The following SART1 variants were observed in gnomAD, a reference collection of about 807,000 sequenced individuals.
SART1 encodes the protein spliceosome associated factor 1, recruiter of U4/U6.U5 tri-snRNP, also known as U4/U6.U5 tri-snRNP-associated protein 1.
Under a neutral mutation model 105.0 loss-of-function variants are expected in SART1, and 28 were observed. The ratio of observed to expected loss-of-function variants is 0.27; its 90% CI spans 0.20 to 0.37. The LOEUF is 0.37. Ranked by LOEUF, SART1 falls within the 10% of genes least tolerant of loss-of-function variation. The pLI is 1.00. For synonymous variants in SART1, 472 were observed against 462.9 expected (o/e 1.02, Z -0.25); for missense variants, 894 against 1,106.5 (o/e 0.81, Z 2.72).
rs1434597855 is a variant in SART1, at chr11:65,966,172, A to C, written c.935A>C (p.Asp312Ala). The change falls in exon 8 of 20, where the codon GAC becomes GCC. Residue 312 changes from aspartate to alanine, a missense_variant. By Grantham distance (126) the Asp-to-Ala change is moderately radical. Coordinates refer to ENST00000312397, the MANE Select transcript of SART1 (RefSeq NM_005146.5). ...KNVELRKKKP[D>A]YLPYAEDESV... ...GTGGAGCTGCGGAAGAAGAAGCCTG[A>C]CTACCTGCCCTATGCCGAGGACGAG... 2 of 1,613,904 alleles carry C rather than the reference A, an allele frequency of 1.2e-6. No individual in the cohort carries two copies. The highest frequency in any genetic ancestry group is 1.7e-6 in the Non-Finnish European group (2 of 1,180,024).
In SART1 at chr11:65,961,960, G is replaced by C. The variant is rs1855150959; in HGVS notation, c.180G>C (p.Gly60=). Residue 60 remains glycine (G), a synonymous_variant, in exon 1 of 20, where the codon GGG becomes GGC. Coordinates refer to ENST00000312397, the MANE Select transcript of SART1 (RefSeq NM_005146.5). ...GERRKRSRER[G]GERGSGRRGA... The stretch of plus-strand genomic sequence containing the variant: ...GACGGAAGCGGAGCCGGGAACGTGG[G>C]GGCGAGCGCGGGAGCGGGCGGCGCG... 6.6e-7 allele frequency: 1 copy of C among 1,524,504 alleles called. No individual in the cohort carries two copies. Among genetic ancestry groups the C allele is most frequent in the Admixed American group, 2.0e-5 (1 of 49,098 alleles). The allele number at this position is 1,524,504 out of a possible 1,614,324, so 94.4% of individuals were successfully genotyped here. A position where few individuals can be genotyped will look rare whatever the true frequency, so the allele number is the denominator to read the frequency against.
intron 12 of SART1, among the ~76,000 whole-genome samples, chr11:65,969,624 G>A (rs1302797415): frequency 1.3e-5 from 2 of 152,108 alleles, no homozygotes; most frequent in African/African-American, 2.4e-5. Flanking sequence ...TGTGTTGCCC[G>A]GGCTGGTCTC....
intron 11 of SART1, 32 bp from the exon 12 acceptor site, chr11:65,967,647 G>A: frequency 6.3e-7 from 1 of 1,590,716 alleles, no homozygotes; most frequent in Non-Finnish European, 8.6e-7. Context: ...GGAGGAGATG[G>A]TCTGAGCAGG....
In SART1 at chr11:65,966,005, C is replaced by T. The variant is rs1217561816; in HGVS notation, c.838+19C>T. Reference sequence around the variant, plus strand: ...GACAAAGGTAATGCGAGCTGGGTGCCCTGGGTGGGGGCACAGCCTCTGCTG... The same window carrying T: ...GACAAAGGTAATGCGAGCTGGGTGCTCTGGGTGGGGGCACAGCCTCTGCTG... On this transcript the variant is annotated intron_variant, in intron 7 of 19. Coordinates refer to ENST00000312397, the MANE Select transcript of SART1 (RefSeq NM_005146.5). 9 of 1,613,860 alleles carry T rather than the reference C, an allele frequency of 5.6e-6. No homozygotes were observed. The highest frequency in any genetic ancestry group is 3.3e-5 in the Admixed American group (2 of 60,000).
rs1245453900 is a variant in SART1 at position 65,964,544 on chromosome 11, C to A, written c.401C>A (p.Pro134His). Residue 134 changes from proline (P) to histidine (H), a missense_variant, in exon 3 of 20, where the codon CCC becomes CAC. This residue lies in a region of SART1 where 712 missense variants were observed against 778.2 expected (regional missense o/e 0.91). Coordinates refer to ENST00000312397, the MANE Select transcript of SART1 (RefSeq NM_005146.5). ...NKLRAKLGLK[P>H]LEVNAIKKEA... ...CTCCGGGCAAAGTTGGGGCTGAAAC[C>A]CTTGGAGGTTAATGCCATCAAGAAG... 6.2e-7 allele frequency: 1 copy of A among 1,612,342 alleles called. No individual in the cohort carries two copies. The highest frequency in any genetic ancestry group is 8.5e-7 in the Non-Finnish European group (1 of 1,179,582).
Position 65,978,521 on chromosome 11 carries a change from T to G in SART1, c.2173-79T>G. ...TTGGGGTCAATCAACACCCGCCCTG[T>G]TATTATACACCTTGTGGGCACAGGT... On this transcript the variant is annotated intron_variant, in intron 17 of 19. Coordinates refer to ENST00000312397, the MANE Select transcript of SART1 (RefSeq NM_005146.5). This position sits in a 1 kb window ranked among gnomAD's most constrained non-coding sequence, Gnocchi z 6.8. The G allele has an allele frequency of 7.2e-7, 1 of 1,387,588 alleles. No individual in the cohort carries two copies. The allele number at this position is 1,387,588 out of a possible 1,614,324, so 86.0% of individuals were successfully genotyped here. A position where few individuals can be genotyped will look rare whatever the true frequency, so the allele number is the denominator to read the frequency against.
chr11:65,968,044 G>T (rs928680896), intron 12 of SART1, among the ~76,000 whole-genome samples: 5 of 151,432 alleles, frequency 3.3e-5, no homozygotes, highest in Non-Finnish European at 5.9e-5. Flanking sequence ...CCGCCTCCCA[G>T]GCTCAAGTGA....
chr11:65,976,823 C>A lies in SART1; in HGVS notation c.1857+57C>A. On this transcript the variant is annotated intron_variant, in intron 14 of 19. Coordinates refer to ENST00000312397, the MANE Select transcript of SART1 (RefSeq NM_005146.5). This position sits in a 1 kb window ranked among gnomAD's most constrained non-coding sequence, Gnocchi z 5.1. The stretch of plus-strand genomic sequence containing the variant: ...TGGGGGTGCTCAAGCTGGAGATGAG[C>A]ACCGGGCTCGGTGTCCAGAGCCTCA... 2 of 1,432,016 alleles carry A rather than the reference C, an allele frequency of 1.4e-6. No homozygotes were observed. The highest frequency in any genetic ancestry group is 1.9e-6 in the Non-Finnish European group (2 of 1,041,674). 88.7% of individuals were successfully genotyped at this position (1,432,016 alleles called of 1,614,324 possible). A position where few individuals can be genotyped will look rare whatever the true frequency, so the allele number is the denominator to read the frequency against.
chr11:65,966,215 G>T lies in SART1; in HGVS notation c.978G>T (p.Ala326=). The T allele has an allele frequency of 1.9e-6, 3 of 1,613,996 alleles. No individual in the cohort carries two copies. Among genetic ancestry groups the T allele is most frequent in the Non-Finnish European group, 2.5e-6 (3 of 1,180,010 alleles). Residue 326 remains alanine, a synonymous_variant, in exon 8 of 20, where the codon GCG becomes GCT. Coordinates refer to ENST00000312397, the MANE Select transcript of SART1 (RefSeq NM_005146.5). ...AGGACGAGAGCGTGGACGACCTGGC[G>T]CAGGCACGGCCTGGGCAGGCTGGGT... ...YAEDESVDDL[A]QQKPRSILSK...
chr11:65,977,425 T>G, intron 15 of SART1, 138 bp from the exon 16 acceptor site: 1 of 713,354 alleles, frequency 1.4e-6, no homozygotes, highest in Non-Finnish European at 2.4e-6. Context: ...ATCTTTGCTT[T>G]GCCTGTAGAA....
chr11:65,961,958 G>T lies in SART1; in HGVS notation c.178G>T (p.Gly60Trp), dbSNP rs1296515349. 3.9e-6 allele frequency: 6 copies of T among 1,524,648 alleles called. No individual in the cohort carries two copies. Among genetic ancestry groups the T allele is most frequent in the Non-Finnish European group, 4.4e-6 (5 of 1,137,824 alleles). 94.4% of individuals were successfully genotyped at this position (1,524,648 alleles called of 1,614,324 possible). A position where few individuals can be genotyped will look rare whatever the true frequency, so the allele number is the denominator to read the frequency against. ...GERRKRSRER[G>W]GERGSGRRGA... ...ACGACGGAAGCGGAGCCGGGAACGTGGGGGCGAGCGCGGGAGCGGGCGGCG... is the reference window on the plus strand; with the variant it reads ...ACGACGGAAGCGGAGCCGGGAACGTTGGGGCGAGCGCGGGAGCGGGCGGCG... The change falls in exon 1 of 20, where the codon GGG becomes TGG. Residue 60 changes from glycine to tryptophan, a missense_variant. This residue lies in a region of SART1 where 712 missense variants were observed against 778.2 expected (regional missense o/e 0.91). Coordinates refer to ENST00000312397, the MANE Select transcript of SART1 (RefSeq NM_005146.5).
Position 65,966,370 on chromosome 11 carries a change from G to A in SART1, c.1002G>A (p.Leu334=). The A allele has an allele frequency of 6.2e-7, 1 of 1,613,994 alleles. No homozygotes were observed. The highest frequency in any genetic ancestry group is 8.5e-7 in the Non-Finnish European group (1 of 1,180,016). The change falls in exon 9 of 20, where the codon CTG becomes CTA. Residue 334 remains leucine, a synonymous_variant. Coordinates refer to ENST00000312397, the MANE Select transcript of SART1 (RefSeq NM_005146.5). ...DLAQQKPRSI[L]SKYDEELEGE... ...TGCAGCAAAAACCTCGCTCTATCCT[G>A]TCCAAGTATGACGAAGAGCTTGAAG... is the stretch of plus-strand genomic sequence containing the variant.
At chr11:65,968,691 C>A (rs1218138079) in intron 12 of SART1, among the ~76,000 whole-genome samples, 1 of 152,080 alleles carries the variant, frequency 6.6e-6, no homozygotes, top group Non-Finnish European at 1.5e-5. Context: ...AGGCAGTAGA[C>A]CAACCAGCAG....
At chr11:65,965,015 G>A (rs557634116) in intron 3 of SART1, 77 bp from the exon 4 acceptor site, 225 of 1,499,648 alleles carry the variant, frequency 1.5e-4, no homozygotes, top group Non-Finnish European at 1.9e-4. Context: ...GAGCTGGAAG[G>A]GGGCAGGGTG....
Position 65,962,107 on chromosome 11 carries a change from GCCTGCGCAGGGGGC to G in SART1, c.313+15_313+28del. The G allele has an allele frequency of 7.0e-6, 8 of 1,142,080 alleles. No individual in the cohort carries two copies. Among genetic ancestry groups the G allele is most frequent in the South Asian group, 4.2e-5 (2 of 48,168 alleles). The allele number at this position is 1,142,080 out of a possible 1,614,324, so 70.7% of individuals were successfully genotyped here. ...GCTACGAGGCCGGTGAGGAGGCGGG[GCCTGCGCAGGGGGC>G]GGGTCGGGCGGGGGTCCCGGAACGC... On this transcript the variant is annotated intron_variant, in intron 1 of 19. Transcript: ENST00000312397.
chr11:65,976,225 C>T lies in SART1; in HGVS notation c.1573-170C>T, dbSNP rs79180914. ...GATGGGTTTGGAGCAGAAGAGTGACCCCAGTGAAAGAGGTGCAGAGTGGAG... is the reference window on the plus strand; with the variant it reads ...GATGGGTTTGGAGCAGAAGAGTGACTCCAGTGAAAGAGGTGCAGAGTGGAG... On this transcript the variant is annotated intron_variant, in intron 12 of 19. Coordinates refer to ENST00000312397, the MANE Select transcript of SART1 (RefSeq NM_005146.5). This position sits in a 1 kb window ranked among gnomAD's most constrained non-coding sequence, Gnocchi z 5.1. Among the ~76,000 whole-genome samples the T allele has an allele frequency of 2.7e-3, 408 of 152,080 alleles. 3 individuals are homozygous for T. The highest frequency in any genetic ancestry group is 4.5e-3 in the Non-Finnish European group (308 of 68,002).
In SART1 at chr11:65,966,972, G is replaced by A. The variant is rs56663613; in HGVS notation, c.1189-287G>A. Reference sequence around the variant, plus strand: ...GTGAGGTAGACAGCTGGCGCGGTAGGCGTCTTCCTCAGTGGGTAAGAGCAG... The same window carrying A: ...GTGAGGTAGACAGCTGGCGCGGTAGACGTCTTCCTCAGTGGGTAAGAGCAG... On this transcript the variant is annotated intron_variant, in intron 9 of 19. Transcript: ENST00000312397. 9.9e-3 allele frequency among the ~76,000 whole-genome samples: 1,511 copies of A among 152,250 alleles called. 18 individuals are homozygous for A. The highest frequency in any genetic ancestry group is 0.033 in the African/African-American group (1,385 of 41,534).
In SART1 at chr11:65,961,936, A is replaced by C; in HGVS notation, c.156A>C (p.Arg52=). 1 of 1,528,126 alleles carries C rather than the reference A, an allele frequency of 6.5e-7. No homozygotes were observed. The highest frequency in any genetic ancestry group is 2.6e-5 in the East Asian group (1 of 37,890). The allele number at this position is 1,528,126 out of a possible 1,614,324, so 94.7% of individuals were successfully genotyped here. ...GCAGTGGCGGTAGCGGTGGCGAACG[A>C]CGGAAGCGGAGCCGGGAACGTGGGG... ...SGGSGGSGGE[R]RKRSRERGGE... The change falls in exon 1 of 20, where the codon CGA becomes CGC. Residue 52 remains arginine, a synonymous_variant. Coordinates refer to ENST00000312397, the MANE Select transcript of SART1 (RefSeq NM_005146.5).
At chr11:65,964,860 T>A (rs969723010) in intron 3 of SART1, among the ~76,000 whole-genome samples, 17 of 152,136 alleles carry the variant, frequency 1.1e-4, no homozygotes, top group African/African-American at 4.1e-4. Flanking sequence ...GGGTTTCTTG[T>A]TTTTCTTTAA....
Sources: gnomAD v4.1 joint callset for allele counts (sites outside exome capture counted in the v4.1 genomes callset) on GRCh38, gnomAD v4.1.1 for gene constraint, gnomAD v4.1.1 regional missense constraint, Gnocchi (gnomAD v3.1) non-coding constraint, MANE v1.5 for transcripts, NCBI Gene and HGNC (gene_info 2026-07-23, HGNC 2026-07-21) for gene names.